The following OCA2 variants were observed in gnomAD, a reference collection of about 807,000 sequenced individuals.
The protein encoded by OCA2 is P protein.
OCA2 carries 77 observed loss-of-function variants against 100.2 expected under a neutral mutation model. The observed-to-expected ratio is 0.77, with a 90% CI of 0.64 to 0.93. The LOEUF (loss-of-function observed/expected upper bound fraction) is 0.93. Among genes scored for constraint, OCA2 ranks in the 40% least tolerant of loss-of-function variants. The probability of loss-of-function intolerance (pLI) is 0.00; values close to 1 mark genes in which losing one functional copy is unlikely to be tolerated. For synonymous variants in OCA2, 432 were observed against 439.2 expected (o/e 0.98, Z 0.21); for missense variants, 1,062 against 1,089.1 (o/e 0.98, Z 0.35).
intron 14 of OCA2, among the ~76,000 whole-genome samples, chr15:27,977,251 A>T (rs1048068714): frequency 6.6e-6 from 1 of 151,984 alleles, no homozygotes; most frequent in Non-Finnish European, 1.5e-5. Flanking sequence ...TCTAGTCTGT[A>T]TATATTTTTT....
chr15:27,987,581 T>C (rs368274963), intron 11 of OCA2, among the ~76,000 whole-genome samples: 32 of 149,960 alleles, frequency 2.1e-4, no homozygotes, highest in African/African-American at 7.6e-4. Flanking sequence ...TACAAAAAAT[T>C]AGCTGGGTGG....
chr15:27,837,294 CT>C (rs749697878), intron 23 of OCA2, among the ~76,000 whole-genome samples: 166 of 152,360 alleles, frequency 1.1e-3, no homozygotes, highest in Non-Finnish European at 1.9e-3. Flanking sequence ...AGCGATGCCA[CT>C]GTCTTGCTTC....
chr15:27,811,479 A>G (rs1401919391), intron 23 of OCA2, among the ~76,000 whole-genome samples: 1 of 152,166 alleles, frequency 6.6e-6, no homozygotes, highest in Non-Finnish European at 1.5e-5. Flanking sequence ...TCATCCATGT[A>G]CCCAAAATCA....
At chr15:27,981,841 C>T (rs1185590809) in intron 14 of OCA2, among the ~76,000 whole-genome samples, 4 of 152,150 alleles carry the variant, frequency 2.6e-5, no homozygotes, top group Non-Finnish European at 5.9e-5. Context: ...CCTGGTCTCC[C>T]CAGACTTTCA....
chr15:27,871,820 A>G lies in OCA2; in HGVS notation c.2139+43T>C, dbSNP rs368767974. 3 of 1,307,252 alleles carry G rather than the reference A, an allele frequency of 2.3e-6. No homozygotes were observed. In the African/African-American group the frequency reaches 4.4e-5, roughly 19 times the overall value. The allele number at this position is 1,307,252 out of a possible 1,614,324, so 81.0% of individuals were successfully genotyped here. A position where few individuals can be genotyped will look rare whatever the true frequency, so the allele number is the denominator to read the frequency against. ...TTTTTAATTTTTTTCACAAAATCAAAGAACAGTGGCTGGAGTGCCTTCTAT... is the reference window on the plus strand; with the variant it reads ...TTTTTAATTTTTTTCACAAAATCAAGGAACAGTGGCTGGAGTGCCTTCTAT... On this transcript the variant is annotated intron_variant, in intron 20 of 23. Coordinates refer to ENST00000354638, the MANE Select transcript of OCA2 (RefSeq NM_000275.3).
intron 19 of OCA2, among the ~76,000 whole-genome samples, chr15:27,910,051 T>A: frequency 6.6e-6 from 1 of 152,008 alleles, no homozygotes. Context: ...GACACTGACA[T>A]GAATGCACAA....
intron 21 of OCA2, among the ~76,000 whole-genome samples, chr15:27,865,849 G>A (rs942327348): frequency 2.0e-5 from 3 of 152,084 alleles, no homozygotes; most frequent in Non-Finnish European, 4.4e-5. Context: ...CTAGACCCGC[G>A]TTGCCACCCA....
intron 18 of OCA2, among the ~76,000 whole-genome samples, chr15:27,932,053 G>A (rs1595671353): frequency 6.6e-6 from 1 of 152,184 alleles, no homozygotes; most frequent in Non-Finnish European, 1.5e-5. Context: ...GTCCAGTGGA[G>A]AACACATGTA....
At chr15:27,901,587 G>A (rs1288692762) in intron 19 of OCA2, among the ~76,000 whole-genome samples, 4 of 152,142 alleles carry the variant, frequency 2.6e-5, no homozygotes, top group African/African-American at 9.7e-5. Flanking sequence ...TCCTGAGAAA[G>A]ACCCTACCTC....
chr15:28,063,829 T>C (rs1016018505), intron 2 of OCA2, among the ~76,000 whole-genome samples: 2 of 152,180 alleles, frequency 1.3e-5, no homozygotes, highest in Non-Finnish European at 2.9e-5. Flanking sequence ...AGGAGTTGCA[T>C]AGAAAAACAT....
At chr15:27,850,704 G>A (rs184247396) in intron 22 of OCA2, among the ~76,000 whole-genome samples, 3 of 152,232 alleles carry the variant, frequency 2.0e-5, no homozygotes, top group Admixed American at 2.0e-4. Context: ...AAAGAAAGCT[G>A]GATTATCTAA....
intron 9 of OCA2, among the ~76,000 whole-genome samples, chr15:28,009,729 A>ACACAC (rs1247568023): frequency 1.8e-5 from 2 of 110,074 alleles, no homozygotes; most frequent in Non-Finnish European, 4.4e-5. Flanking sequence ...CACACACACA[A>ACACAC]AGTCAACAAA....
At chr15:27,851,040 A>C (rs1036076912) in intron 22 of OCA2, among the ~76,000 whole-genome samples, 34 of 152,184 alleles carry the variant, frequency 2.2e-4, no homozygotes, top group Non-Finnish European at 5.9e-5. Context: ...TGCTTAAGAG[A>C]GAAAGAGAAC....
chr15:27,874,041 C>G (rs1333125865), intron 19 of OCA2, among the ~76,000 whole-genome samples: 1 of 151,732 alleles, frequency 6.6e-6, no homozygotes, highest in Non-Finnish European at 1.5e-5. Context: ...TCAGCAATGA[C>G]CTGACATCCT....
intron 21 of OCA2, among the ~76,000 whole-genome samples, chr15:27,868,723 T>G (rs943439654): frequency 1.3e-5 from 2 of 152,174 alleles, no homozygotes; most frequent in African/African-American, 4.8e-5. Context: ...GTTCTTACCA[T>G]GAAGCACACA....
At chr15:27,948,934 G>C (rs986253344) in intron 18 of OCA2, among the ~76,000 whole-genome samples, 1 of 152,306 alleles carries the variant, frequency 6.6e-6, no homozygotes, top group African/African-American at 2.4e-5. Context: ...TGCCAGGACC[G>C]GGGGAGGGTG....
the OCA2 span, among the ~76,000 whole-genome samples, chr15:27,736,702 C>CTTTA: frequency 6.6e-6 from 1 of 152,140 alleles, no homozygotes; most frequent in Non-Finnish European, 1.5e-5. Context: ...AGTCAAGTTC[C>CTTTA]CACCTCCTGT....
At chr15:27,938,843 G>C (rs2039548679) in intron 18 of OCA2, among the ~76,000 whole-genome samples, 1 of 152,196 alleles carries the variant, frequency 6.6e-6, no homozygotes, top group Non-Finnish European at 1.5e-5. Context: ...ACTCAAGTAT[G>C]GTCTCTGTGG....
intron 23 of OCA2, among the ~76,000 whole-genome samples, chr15:27,839,562 A>T (rs1230802657): frequency 6.6e-6 from 1 of 152,254 alleles, no homozygotes; most frequent in Non-Finnish European, 1.5e-5. Context: ...ATTAAGCATG[A>T]CAGAGGGGAT....
Sources: allele counts gnomAD v4.1 joint callset (sites outside exome capture counted in the v4.1 genomes callset), GRCh38; gene constraint gnomAD v4.1.1; transcripts MANE v1.5; gene names NCBI Gene and HGNC (gene_info 2026-07-23, HGNC 2026-07-21).